PPFIBP2: variants seen among roughly 807,000 people sequenced by gnomAD.
PPFIBP2 encodes the protein liprin-beta-2.
A neutral mutation model predicts 118.3 loss-of-function variants in PPFIBP2; 118 were observed. That is an observed-to-expected ratio of 1.00 (90% CI 0.86 to 1.16). The LOEUF (loss-of-function observed/expected upper bound fraction) is 1.16, where lower values mean the gene tolerates loss of function less well. Among genes scored for constraint, PPFIBP2 ranks in the 50% most tolerant of loss-of-function variants. The probability of loss-of-function intolerance (pLI) is 0.00; values close to 1 mark genes in which losing one functional copy is unlikely to be tolerated. For missense variants in PPFIBP2, 1,195 were observed against 1,073.1 expected (o/e 1.11, Z -1.59); for synonymous variants, 414 against 397.4 (o/e 1.04, Z -0.50).
intron 2 of PPFIBP2, among the ~76,000 whole-genome samples, chr11:7,556,943 C>T (rs762860402): frequency 1.3e-5 from 2 of 152,286 alleles, no homozygotes; most frequent in Middle Eastern, 6.8e-3. Context: ...ATGTATCATT[C>T]TTGGGACTCA....
At chr11:7,629,784 G>GAATTCCCC (rs1850514567) in intron 10 of PPFIBP2, among the ~76,000 whole-genome samples, 1 of 152,188 alleles carries the variant, frequency 6.6e-6, no homozygotes, top group Non-Finnish European at 1.5e-5. Context: ...TAAAGCTTGT[G>GAATTCCCC]AATTCCCCAC....
At chr11:7,645,040 A>C (rs1454039948) in intron 17 of PPFIBP2, among the ~76,000 whole-genome samples, 15 of 135,404 alleles carry the variant, frequency 1.1e-4, no homozygotes, top group South Asian at 2.2e-4. Context: ...AAAAAAAAAA[A>C]AAAAAAAAAA....
chr11:7,578,472 G>T (rs779992413), intron 3 of PPFIBP2, among the ~76,000 whole-genome samples: 3 of 152,224 alleles, frequency 2.0e-5, no homozygotes. Context: ...CCCGGACCCC[G>T]ACTCCCGGAC....
At chr11:7,574,212 G>A (rs1855997643) in intron 3 of PPFIBP2, among the ~76,000 whole-genome samples, 1 of 152,194 alleles carries the variant, frequency 6.6e-6, no homozygotes, top group Admixed American at 6.5e-5. Flanking sequence ...TAATGAATCT[G>A]TTTGTAGATG....
chr11:7,625,954 A>C, intron 8 of PPFIBP2, 63 bp downstream of exon 8: 1 of 1,340,688 alleles, frequency 7.5e-7, no homozygotes, highest in Non-Finnish European at 1.1e-6. Context: ...CTTATAAGTG[A>C]GCATGTGTTT....
At chr11:7,566,171 A>T (rs1166254136) in intron 3 of PPFIBP2, among the ~76,000 whole-genome samples, 1 of 151,988 alleles carries the variant, frequency 6.6e-6, no homozygotes, top group Non-Finnish European at 1.5e-5. Context: ...TGGTTACCTC[A>T]TTGATTTAAA....
At chr11:7,545,080 A>G (rs1003546177) in intron 1 of PPFIBP2, among the ~76,000 whole-genome samples, 1 of 152,036 alleles carries the variant, frequency 6.6e-6, no homozygotes, top group Non-Finnish European at 1.5e-5. Flanking sequence ...CCTCTTACCC[A>G]TGGTTTTGCT....
intron 1 of PPFIBP2, among the ~76,000 whole-genome samples, chr11:7,530,228 A>T (rs1445868361): frequency 1.3e-5 from 2 of 152,174 alleles, no homozygotes; most frequent in African/African-American, 4.8e-5. Flanking sequence ...CCCTCTGACT[A>T]ACCCTGTGTA....
intron 16 of PPFIBP2, chr11:7,641,920 A>G (rs1852253044): frequency 9.1e-6 from 4 of 439,714 alleles, no homozygotes; most frequent in Non-Finnish European, 1.6e-5. Flanking sequence ...ACAGACACAG[A>G]TGAGACTGTA....
In PPFIBP2 at chr11:7,651,644, G is replaced by A. The variant is rs1334159228; in HGVS notation, c.2248-12G>A. Reference sequence around the variant, plus strand: ...TTGCTCCTGGCCAGGCTTGTCTCTGGTTCCTTCTTAGATCCTGGAGCCACG... The same window carrying A: ...TTGCTCCTGGCCAGGCTTGTCTCTGATTCCTTCTTAGATCCTGGAGCCACG... On this transcript the variant is annotated splice_polypyrimidine_tract_variant and intron_variant, in intron 22 of 23. Coordinates refer to ENST00000299492, the MANE Select transcript of PPFIBP2 (RefSeq NM_003621.5). 6.3e-7 allele frequency: 1 copy of A among 1,591,206 alleles called. No homozygotes were observed. The highest frequency in any genetic ancestry group is 8.6e-7 in the Non-Finnish European group (1 of 1,163,374).
At chr11:7,565,468 T>C in intron 2 of PPFIBP2, 85 bp from the exon 3 acceptor site, 5 of 1,405,380 alleles carry the variant, frequency 3.6e-6, no homozygotes, top group Non-Finnish European at 4.0e-6. Flanking sequence ...CCTTTCACCG[T>C]TTCTTCACCA....
At position 7,631,026 on chromosome 11, in the gene PPFIBP2, G is replaced by C; in HGVS notation, c.1066G>C (p.Glu356Gln). 1 of 1,610,966 alleles carries C rather than the reference G, an allele frequency of 6.2e-7. No homozygotes were observed. Among genetic ancestry groups the C allele is most frequent in the African/African-American group, 1.3e-5 (1 of 74,974 alleles). The change falls in exon 11 of 24, where the codon GAG becomes CAG. Residue 356 changes from glutamate to glutamine, a missense_variant and splice_region_variant. Glu to Gln is a conservative substitution (Grantham distance 29, BLOSUM62 2). Transcript: ENST00000299492. ...NKDPEELFKQ[E>Q]MPPRCSSPTV... ...GGACCCTGAAGAATTATTTAAACAA[G>C]AGGTACTGTGTTTCCATCCATGACG...
chr11:7,520,968 C>A (rs1455463182), intron 1 of PPFIBP2, among the ~76,000 whole-genome samples: 1 of 152,210 alleles, frequency 6.6e-6, no homozygotes, highest in African/African-American at 2.4e-5. Context: ...TCTCACTCAT[C>A]TGGTAAATAA....
intron 4 of PPFIBP2, among the ~76,000 whole-genome samples, chr11:7,596,418 T>C (rs74051542): frequency 9.9e-5 from 15 of 151,904 alleles, no homozygotes; most frequent in African/African-American, 3.4e-4. Flanking sequence ...ACATTTTTTT[T>C]GGTTAAAAGT....
At chr11:7,666,240 G>T in the PPFIBP2 span, 6 of 594,474 alleles carry the variant, frequency 1.0e-5, no homozygotes, top group African/African-American at 1.9e-5. Flanking sequence ...TGATGTATTA[G>T]ACACCTGCTC....
the PPFIBP2 span, among the ~76,000 whole-genome samples, chr11:7,662,815 A>G: frequency 1.3e-5 from 2 of 151,734 alleles, no homozygotes; most frequent in East Asian, 3.9e-4. Context: ...CTTTTCACAT[A>G]GTCCCATATT....
intron 5 of PPFIBP2, among the ~76,000 whole-genome samples, chr11:7,599,694 G>A (rs974206249): frequency 4.0e-5 from 6 of 148,928 alleles, no homozygotes; most frequent in Admixed American, 3.4e-4. Flanking sequence ...GCGGTGGCGC[G>A]ATCTCGGCTC....
intron 3 of PPFIBP2, chr11:7,577,713 G>A (rs770400634): frequency 8.8e-6 from 4 of 455,428 alleles, no homozygotes; most frequent in Non-Finnish European, 1.8e-5. Context: ...GTTTTGGGGT[G>A]TGTGTGCCTG....
At chr11:7,523,155 C>T (rs899561984) in intron 1 of PPFIBP2, among the ~76,000 whole-genome samples, 4 of 152,146 alleles carry the variant, frequency 2.6e-5, no homozygotes, top group African/African-American at 9.7e-5. Flanking sequence ...TATCTGGAAT[C>T]TGCACTGCTG....
Sources: allele counts gnomAD v4.1 joint callset (sites outside exome capture counted in the v4.1 genomes callset), GRCh38; gene constraint gnomAD v4.1.1; transcripts MANE v1.5; gene names NCBI Gene and HGNC (gene_info 2026-07-23, HGNC 2026-07-21).